The following GHR variants were observed in gnomAD, a reference collection of about 807,000 sequenced individuals.
GHR encodes the protein GH receptor.
GHR carries 35 observed loss-of-function variants against 67.1 expected under a neutral mutation model. The ratio of observed to expected loss-of-function variants is 0.52; its 90% confidence interval spans 0.40 to 0.69. GHR has a LOEUF of 0.69. GHR is among the 30% of genes least tolerant of loss of function. The pLI is 0.00. For missense variants in GHR, 792 were observed against 764.6 expected, an observed-to-expected ratio of 1.04 and a Z score of -0.42; for synonymous variants, 272 against 269.1, an observed-to-expected ratio of 1.01 and a Z score of -0.10.
rs1392081006 is a variant in GHR, at chr5:42,713,440, C to T, written c.796C>T (p.Pro266Ser). ...CTTGTGTGTTTCAGATTTCTACTTT[C>T]CATGGCTCTTAATTATTATCTTTGG... Reference protein sequence around the residue: ...QFTCEEDFYFPWLLIIIFGIF... With the variant: ...QFTCEEDFYFSWLLIIIFGIF... The change falls in exon 8 of 10, where the codon CCA (proline) becomes TCA (serine). Residue 266 changes from proline to serine, a missense_variant. Physicochemically the swap from Pro to Ser is moderately conservative, Grantham distance 74. Transcript: ENST00000230882. The T allele has an allele frequency of 7.1e-7, 1 of 1,415,444 alleles. No homozygotes were observed. The highest frequency in any genetic ancestry group is 1.0e-6 in the Non-Finnish European group (1 of 1,001,706). 87.7% of individuals were successfully genotyped at this position (1,415,444 alleles called of 1,614,324 possible). A position where few individuals can be genotyped will look rare whatever the true frequency, so the allele number is the denominator to read the frequency against.
intron 1 of GHR, among the ~76,000 whole-genome samples, chr5:42,531,741 T>G (rs1747979930): frequency 6.6e-6 from 1 of 152,184 alleles, no homozygotes; most frequent in Non-Finnish European, 1.5e-5. Flanking sequence ...TTAATGGTTA[T>G]TTGCTAGCAG....
intron 3 of GHR, among the ~76,000 whole-genome samples, chr5:42,665,571 G>A (rs1321110140): frequency 6.6e-6 from 1 of 151,810 alleles, no homozygotes; most frequent in Non-Finnish European, 1.5e-5. Context: ...ACAGGAAGGG[G>A]AACATCACAC....
intron 2 of GHR, among the ~76,000 whole-genome samples, chr5:42,568,825 T>C (rs1418053101): frequency 6.6e-6 from 1 of 152,220 alleles, no homozygotes; most frequent in Non-Finnish European, 1.5e-5. Flanking sequence ...CTAGAATAGT[T>C]AATTCAACAA....
At chr5:42,447,914 A>G (rs775491525) in intron 1 of GHR, among the ~76,000 whole-genome samples, 6 of 151,790 alleles carry the variant, frequency 4.0e-5, no homozygotes, top group Non-Finnish European at 8.8e-5. Context: ...GGTGCCCACA[A>G]CCATGCCTAG....
At chr5:42,612,903 C>A (rs1752957717) in intron 2 of GHR, among the ~76,000 whole-genome samples, 1 of 152,036 alleles carries the variant, frequency 6.6e-6, no homozygotes, top group Admixed American at 6.6e-5. Flanking sequence ...AACAAGCATG[C>A]AGCATAGCCC....
intron 1 of GHR, among the ~76,000 whole-genome samples, chr5:42,458,014 A>G (rs536671540): frequency 6.6e-6 from 1 of 152,338 alleles, no homozygotes; most frequent in South Asian, 2.1e-4. Context: ...CCTTTTTCCT[A>G]GAAGATACCC....
intron 2 of GHR, among the ~76,000 whole-genome samples, chr5:42,566,950 T>C (rs1034919194): frequency 6.6e-6 from 1 of 152,184 alleles, no homozygotes; most frequent in African/African-American, 2.4e-5. Context: ...GAGTAAAATA[T>C]GTTATTTTAT....
intron 1 of GHR, among the ~76,000 whole-genome samples, chr5:42,429,778 A>G (rs1037645464): frequency 6.6e-5 from 10 of 152,234 alleles, no homozygotes; most frequent in African/African-American, 2.4e-4. Context: ...TTCCAAAGAT[A>G]AACAAGTTGA....
intron 1 of GHR, among the ~76,000 whole-genome samples, chr5:42,488,197 T>A (rs1024011696): frequency 2.6e-5 from 4 of 152,234 alleles, no homozygotes; most frequent in Non-Finnish European, 4.4e-5. Context: ...CATAATAAAG[T>A]AATCAGAACT....
intron 1 of GHR, among the ~76,000 whole-genome samples, chr5:42,490,738 G>A (rs1177638268): frequency 6.6e-6 from 1 of 152,192 alleles, no homozygotes; most frequent in East Asian, 1.9e-4. Flanking sequence ...TCAAAAATAA[G>A]CCACAAGTAT....
At chr5:42,650,090 G>T (rs1000303344) in intron 3 of GHR, among the ~76,000 whole-genome samples, 4 of 152,128 alleles carry the variant, frequency 2.6e-5, no homozygotes, top group African/African-American at 9.7e-5. Flanking sequence ...ACCCAGGGAA[G>T]GGTCGTGGGT....
intron 1 of GHR, among the ~76,000 whole-genome samples, chr5:42,484,401 G>T (rs1488580334): frequency 1.3e-5 from 2 of 152,222 alleles, no homozygotes; most frequent in East Asian, 1.9e-4. Flanking sequence ...TCCAGACATT[G>T]TAAAGAGTAA....
chr5:42,674,714 T>A (rs147534420), intron 3 of GHR, among the ~76,000 whole-genome samples: 1 of 152,348 alleles, frequency 6.6e-6, no homozygotes, highest in Non-Finnish European at 1.5e-5. Context: ...TACTTTATTA[T>A]AGGATTATAC....
intron 1 of GHR, among the ~76,000 whole-genome samples, chr5:42,523,655 T>C (rs1227998552): frequency 6.6e-6 from 1 of 152,106 alleles, no homozygotes; most frequent in Admixed American, 6.5e-5. Flanking sequence ...CCCTATTCCC[T>C]GAAACACAAC....
chr5:42,667,769 T>C (rs6878512), intron 3 of GHR, among the ~76,000 whole-genome samples: 126,143 of 152,128 alleles, frequency 0.83, 52,550 homozygotes, highest in East Asian at 1. Context: ...AATAAACCCA[T>C]GTTTGTGTAC....
chr5:42,535,004 GT>G (rs576021283), intron 1 of GHR, among the ~76,000 whole-genome samples: 21 of 151,642 alleles, frequency 1.4e-4, no homozygotes, highest in Non-Finnish European at 2.9e-4. Context: ...GAGATTGCTT[GT>G]TTTTTTATTT....
intron 6 of GHR, among the ~76,000 whole-genome samples, chr5:42,709,821 C>T (rs1038795332): frequency 6.6e-6 from 1 of 152,028 alleles, no homozygotes; most frequent in African/African-American, 2.4e-5. Context: ...CAGTTCCCCG[C>T]ACAGGCAGAT....
At chr5:42,629,000 T>C (rs2112743706) in intron 2 of GHR, 38 bp from the exon 3 acceptor site, 1 of 1,135,800 alleles carries the variant, frequency 8.8e-7, no homozygotes, top group Non-Finnish European at 1.3e-6. Context: ...ATTGTTTTGA[T>C]GGGGATGACT....
At chr5:42,478,272 T>G (rs1472775625) in intron 1 of GHR, among the ~76,000 whole-genome samples, 1 of 152,170 alleles carries the variant, frequency 6.6e-6, no homozygotes, top group African/African-American at 2.4e-5. Context: ...TACCATGCTG[T>G]TTTGGTTACT....
Sources: allele counts gnomAD v4.1 joint callset (sites outside exome capture counted in the v4.1 genomes callset), GRCh38; gene constraint gnomAD v4.1.1; transcripts MANE v1.5; gene names NCBI Gene and HGNC (gene_info 2026-07-23, HGNC 2026-07-21).